IL1RAPL2: variants seen among roughly 807,000 people sequenced by gnomAD.
IL1RAPL2 encodes interleukin 1 receptor accessory protein like 2.
IL1RAPL2 carries 3 observed loss-of-function variants against 44.1 expected under a neutral mutation model. The observed-to-expected ratio is 0.07, with a 90% CI of 0.03 to 0.18. The LOEUF is 0.18. Among genes scored for constraint, IL1RAPL2 ranks in the 10% least tolerant of loss-of-function variants. IL1RAPL2 has a pLI of 1.00. For synonymous variants in IL1RAPL2, 181 were observed against 178.8 expected (o/e 1.01, Z -0.10); for missense variants, 391 against 496.4 (o/e 0.79, Z 2.02).
chrX:105,694,979 CATT>C (rs2038065312), intron 6 of IL1RAPL2, among the ~76,000 whole-genome samples: 2 of 111,116 alleles, frequency 1.8e-5, no homozygotes, highest in Non-Finnish European at 3.8e-5. Context: ...CCTTGTGAAT[CATT>C]AGTGAGCTGA....
At chrX:105,533,512 G>T (rs1342875451) in intron 6 of IL1RAPL2, among the ~76,000 whole-genome samples, 1 of 111,714 alleles carries the variant, frequency 9.0e-6, no homozygotes, top group Non-Finnish European at 1.9e-5. Flanking sequence ...TTTATCACAT[G>T]TATAGCCTTG....
At chrX:105,447,078 T>TATATATAA (rs1437378413) in intron 5 of IL1RAPL2, among the ~76,000 whole-genome samples, 1 of 47,611 alleles carries the variant, frequency 2.1e-5, no homozygotes, top group East Asian at 5.4e-4. Flanking sequence ...GTTAAAATTA[T>TATATATAA]ATATATATAT....
At chrX:105,277,129 T>C (rs774940862) in intron 5 of IL1RAPL2, among the ~76,000 whole-genome samples, 3 of 112,144 alleles carry the variant, frequency 2.7e-5, no homozygotes, top group Non-Finnish European at 5.6e-5. Flanking sequence ...TGTGAAGCAC[T>C]GAAGGGAACA....
intron 5 of IL1RAPL2, among the ~76,000 whole-genome samples, chrX:105,448,786 A>G (rs1161034371): frequency 9.0e-6 from 1 of 110,924 alleles, no homozygotes; most frequent in Non-Finnish European, 1.9e-5. Context: ...CCTGTCTTCA[A>G]GCTCACCAGT....
intron 2 of IL1RAPL2, among the ~76,000 whole-genome samples, chrX:105,067,246 G>A (rs901437057): frequency 3.6e-5 from 4 of 110,115 alleles, no homozygotes; most frequent in African/African-American, 1.0e-4. Context: ...ACGTGTGCGC[G>A]CACATACACA....
rs782008344 is a variant in IL1RAPL2 at position 105,195,427 on chromosome X, T to C, written c.83-48T>C. The C allele has an allele frequency of 7.7e-5, 88 of 1,150,211 alleles. No individual in the cohort carries two copies. The East Asian group carries it at 8.4e-4, about 11-fold the overall frequency. 94.8% of individuals were successfully genotyped at this position (1,150,211 alleles called of 1,213,427 possible). A position where few individuals can be genotyped will look rare whatever the true frequency, so the allele number is the denominator to read the frequency against. ...TGATGATTACTGCTCACACTATTAG[T>C]GTCAACAATGCTCACTGTATCTTAT... On this transcript the variant is annotated intron_variant, in intron 2 of 10. Transcript: ENST00000372582.
At chrX:105,690,339 G>A (rs1311108537) in intron 6 of IL1RAPL2, among the ~76,000 whole-genome samples, 4 of 111,326 alleles carry the variant, frequency 3.6e-5, no homozygotes, top group Admixed American at 2.9e-4. Flanking sequence ...ATAATTACTG[G>A]TTAAATAAAG....
chrX:105,062,546 G>A (rs1481112753), intron 2 of IL1RAPL2, among the ~76,000 whole-genome samples: 1 of 110,883 alleles, frequency 9.0e-6, no homozygotes, highest in East Asian at 2.8e-4. Context: ...TCTTCAGGTG[G>A]TTACTTATTG....
intron 6 of IL1RAPL2, among the ~76,000 whole-genome samples, chrX:105,506,997 A>C (rs746287326): frequency 2.7e-5 from 3 of 111,794 alleles, no homozygotes; most frequent in Non-Finnish European, 3.8e-5. Flanking sequence ...TCTTTCTTTC[A>C]ACATTTTCAA....
chrX:105,425,192 G>C (rs1310323363), intron 5 of IL1RAPL2, among the ~76,000 whole-genome samples: 1 of 111,435 alleles, frequency 9.0e-6, no homozygotes, highest in Non-Finnish European at 1.9e-5. Context: ...CCTTGGAAGG[G>C]TATGGACATA....
chrX:104,619,260 G>T (rs767240810), intron 1 of IL1RAPL2, among the ~76,000 whole-genome samples: 5 of 112,293 alleles, frequency 4.5e-5, no homozygotes, highest in Non-Finnish European at 9.4e-5. Flanking sequence ...GATTAAAAAT[G>T]ATATCCTGCT....
chrX:104,783,957 A>C (rs1343997471), intron 2 of IL1RAPL2, among the ~76,000 whole-genome samples: 1 of 110,980 alleles, frequency 9.0e-6, no homozygotes, highest in Admixed American at 9.7e-5. Flanking sequence ...TAACCCTGTA[A>C]CAGCCAAACT....
At chrX:105,366,472 G>A (rs2035295981) in intron 5 of IL1RAPL2, among the ~76,000 whole-genome samples, 1 of 109,815 alleles carries the variant, frequency 9.1e-6, no homozygotes, top group Admixed American at 9.7e-5. Context: ...TTTAAGTCAG[G>A]TTTTTGTCAC....
At chrX:104,780,849 G>T (rs1932767408) in intron 2 of IL1RAPL2, among the ~76,000 whole-genome samples, 1 of 111,221 alleles carries the variant, frequency 9.0e-6, no homozygotes, top group African/African-American at 3.3e-5. Context: ...ATAGGTCAGT[G>T]CTTCACTGAC....
intron 2 of IL1RAPL2, among the ~76,000 whole-genome samples, chrX:104,705,285 T>C (rs1031887475): frequency 1.8e-5 from 2 of 111,258 alleles, no homozygotes; most frequent in Non-Finnish European, 3.8e-5. Flanking sequence ...GCATGGAATC[T>C]AATAACGTGC....
At chrX:105,331,313 C>T (rs1868767922) in intron 5 of IL1RAPL2, among the ~76,000 whole-genome samples, 1 of 111,539 alleles carries the variant, frequency 9.0e-6, no homozygotes. Flanking sequence ...TTCATGGCTC[C>T]TTTTTGATGG....
intron 2 of IL1RAPL2, among the ~76,000 whole-genome samples, chrX:104,842,015 T>C (rs962010402): frequency 1.8e-5 from 2 of 110,700 alleles, no homozygotes; most frequent in African/African-American, 6.6e-5. Context: ...CCCCTTAATT[T>C]CAGGTACATC....
At chrX:105,092,365 A>G (rs1324036947) in intron 2 of IL1RAPL2, among the ~76,000 whole-genome samples, 1 of 111,530 alleles carries the variant, frequency 9.0e-6, no homozygotes, top group Non-Finnish European at 1.9e-5. Context: ...ATTAAAATCA[A>G]CCAAGGGAAG....
chrX:105,261,805 T>C (rs1159288747), intron 4 of IL1RAPL2, among the ~76,000 whole-genome samples: 1 of 110,848 alleles, frequency 9.0e-6, no homozygotes, highest in Non-Finnish European at 1.9e-5. Flanking sequence ...TAGACAGGAG[T>C]CCTAATTGAT....
Sources: allele counts gnomAD v4.1 joint callset (sites outside exome capture counted in the v4.1 genomes callset), GRCh38; gene constraint gnomAD v4.1.1; transcripts MANE v1.5; gene names NCBI Gene and HGNC (gene_info 2026-07-23, HGNC 2026-07-21).